AKNA: variants seen among roughly 807,000 people sequenced by gnomAD.
AKNA encodes microtubule organization protein AKNA.
AKNA carries 67 observed loss-of-function variants against 138.8 expected under a neutral mutation model. The ratio of observed to expected loss-of-function variants is 0.48; its 90% CI spans 0.40 to 0.59. The LOEUF (loss-of-function observed/expected upper bound fraction) is 0.59. AKNA is among the 20% of genes least tolerant of loss of function. The pLI, the probability that AKNA is intolerant of heterozygous loss-of-function variation, is 0.00. For synonymous variants in AKNA, 737 were observed against 754.4 expected, an observed-to-expected ratio of 0.98 and a Z score of 0.38; for missense variants, 1,813 against 1,880.4, an observed-to-expected ratio of 0.96 and a Z score of 0.66.
Position 114,346,717 on chromosome 9 carries a change from G to A in AKNA, c.3466C>T (p.Arg1156Ter), listed in dbSNP as rs779115200. Residue 1156 changes from arginine (R) to a stop codon, truncating the protein, a stop_gained, in exon 17 of 22, where the codon CGA becomes TGA. Transcript: ENST00000374088. LOFTEE classifies it high-confidence loss of function. Reference sequence around the variant, plus strand: ...CGAGGCACTGAGGAAGACCTGGCTCGCTGCCTTCCTGGAGGGACAATCTGC... The same window carrying A: ...CGAGGCACTGAGGAAGACCTGGCTCACTGCCTTCCTGGAGGGACAATCTGC... ...EEQIVPPGRQ[R>*]ARSSSVPREV... 7.4e-6 allele frequency: 12 copies of A among 1,612,580 alleles called. No homozygotes were observed. Among genetic ancestry groups the A allele is most frequent in the Admixed American group, 3.3e-5 (2 of 59,810 alleles).
At chr9:114,392,752 G>A (rs998964335), upstream of AKNA, among the ~76,000 whole-genome samples, 1 of 152,164 alleles carries the variant, frequency 6.6e-6, no homozygotes, top group Admixed American at 6.5e-5. Context: ...ACACAAAAAG[G>A]GAGAAGCAGT....
chr9:114,367,817 C>CCGA, intron 5 of AKNA, 120 bp from the exon 6 acceptor site: 1 of 1,132,472 alleles, frequency 8.8e-7, no homozygotes. Flanking sequence ...TCACCATGTG[C>CCGA]GATCTTCACA....
chr9:114,378,491 G>A (rs1209147157), intron 2 of AKNA, among the ~76,000 whole-genome samples: 1 of 152,110 alleles, frequency 6.6e-6, no homozygotes, highest in Non-Finnish European at 1.5e-5. Flanking sequence ...TCTCTGTTTT[G>A]TTCATGATTA....
intron 14 of AKNA, among the ~76,000 whole-genome samples, chr9:114,353,404 T>C (rs532068147): frequency 2.1e-4 from 32 of 152,196 alleles, no homozygotes; most frequent in South Asian, 1.2e-3. Flanking sequence ...GCTGGGATTT[T>C]AGGTGCCAGC....
chr9:114,381,873 A>C (rs952437290), intron 1 of AKNA, among the ~76,000 whole-genome samples: 4 of 151,382 alleles, frequency 2.6e-5, no homozygotes, highest in African/African-American at 9.7e-5. Flanking sequence ...CTGGTCTCGA[A>C]CTCCTGACCT....
chr9:114,382,532 A>G (rs1394129749), intron 1 of AKNA, among the ~76,000 whole-genome samples: 1 of 150,634 alleles, frequency 6.6e-6, no homozygotes, highest in Non-Finnish European at 1.5e-5. Flanking sequence ...GCAGTGAGCC[A>G]TGACAGCGCC....
Position 114,362,452 on chromosome 9 carries a change from G to T in AKNA, c.1870C>A (p.Pro624Thr). 1.9e-6 allele frequency: 3 copies of T among 1,613,084 alleles called. No homozygotes were observed. Among genetic ancestry groups the T allele is most frequent in the Non-Finnish European group, 2.5e-6 (3 of 1,179,632 alleles). The change falls in exon 8 of 22, where the codon CCG becomes ACG. Residue 624 changes from proline to threonine, a missense_variant. By Grantham distance (38) the Pro-to-Thr change is conservative. Transcript: ENST00000374088. Reference protein sequence around the residue: ...KACREQHPAQPLAGSKGTPGR... With the variant: ...KACREQHPAQTLAGSKGTPGR... ...GGCGTCCCCTTGGAGCCGGCAAGCG[G>T]CTGGGCAGGGTGTTGCTCCCGACAA...
At chr9:114,351,793 T>C (rs1321924844) in intron 14 of AKNA, among the ~76,000 whole-genome samples, 1 of 152,072 alleles carries the variant, frequency 6.6e-6, no homozygotes, top group Non-Finnish European at 1.5e-5. Context: ...ATGGCGACAC[T>C]GCACTGCAGC....
chr9:114,359,593 C>T lies in AKNA; in HGVS notation c.2492+1G>A, dbSNP rs1416472340. 2 of 1,614,184 alleles carry T rather than the reference C, an allele frequency of 1.2e-6. No homozygotes were observed. The highest frequency in any genetic ancestry group is 1.7e-6 in the Non-Finnish European group (2 of 1,180,036). ...TCTGCAGGAAAGGCTCAGTGACTTA[C>T]TCCAGGGGAGCCCCATGACTTTTCT... On this transcript the variant is annotated splice_donor_variant, in intron 11 of 21. Coordinates refer to ENST00000374088, the MANE Select transcript of AKNA (RefSeq NM_001317950.2). LOFTEE classifies it high-confidence loss of function.
At chr9:114,332,771 G>C (rs577904165), downstream of AKNA, among the ~76,000 whole-genome samples, 9 of 152,310 alleles carry the variant, frequency 5.9e-5, no homozygotes, top group Admixed American at 2.0e-4. Flanking sequence ...CATAGTAGTG[G>C]TGGTTGTGAG....
intron 6 of AKNA, among the ~76,000 whole-genome samples, chr9:114,366,224 G>A (rs553350933): frequency 2.7e-4 from 40 of 150,378 alleles, no homozygotes; most frequent in Non-Finnish European, 2.8e-4. Context: ...AGGTTGCAGT[G>A]AGCCAAGACT....
intron 7 of AKNA, among the ~76,000 whole-genome samples, chr9:114,363,155 A>G (rs1386855434): frequency 6.6e-6 from 1 of 152,260 alleles, no homozygotes; most frequent in Non-Finnish European, 1.5e-5. Context: ...AGGTCACTTA[A>G]GTTGATGAAG....
intron 16 of AKNA, among the ~76,000 whole-genome samples, chr9:114,347,411 G>T (rs191068703): frequency 9.2e-4 from 140 of 152,188 alleles, no homozygotes; most frequent in African/African-American, 3.1e-3. Context: ...GTAGAGACAG[G>T]GTTTCACCAT....
chr9:114,346,553 T>C, intron 17 of AKNA, 116 bp downstream of exon 17: 1 of 754,352 alleles, frequency 1.3e-6, no homozygotes, highest in Non-Finnish European at 2.1e-6. Flanking sequence ...CTAAAACAGA[T>C]GCACAAAAAC....
chr9:114,372,271 G>C (rs1036021521), intron 4 of AKNA, among the ~76,000 whole-genome samples: 4 of 152,096 alleles, frequency 2.6e-5, no homozygotes, highest in African/African-American at 9.7e-5. Flanking sequence ...GGCCTCTCCT[G>C]TGACACCCTC....
chr9:114,356,184 A>T, intron 13 of AKNA, 48 bp from the exon 14 acceptor site: 1 of 1,555,018 alleles, frequency 6.4e-7, no homozygotes, highest in Non-Finnish European at 8.7e-7. Flanking sequence ...ACAGAGTGAG[A>T]CACTCAGGCG....
At chr9:114,355,389 C>T (rs1342709144) in intron 14 of AKNA, among the ~76,000 whole-genome samples, 2 of 151,830 alleles carry the variant, frequency 1.3e-5, no homozygotes, top group South Asian at 2.1e-4. Flanking sequence ...GTTGGCCAGG[C>T]TCGTCTCGAA....
chr9:114,358,856 G>A (rs1222647647), intron 11 of AKNA, among the ~76,000 whole-genome samples: 1 of 151,742 alleles, frequency 6.6e-6, no homozygotes, highest in Non-Finnish European at 1.5e-5. Context: ...GATAGCATTA[G>A]GAGATATACC....
intron 14 of AKNA, among the ~76,000 whole-genome samples, chr9:114,353,660 T>C (rs1225852519): frequency 3.3e-5 from 5 of 152,208 alleles, no homozygotes; most frequent in Admixed American, 6.5e-5. Flanking sequence ...ACAAACATCA[T>C]AGATTACCCA....
Sources: allele counts gnomAD v4.1 joint callset (sites outside exome capture counted in the v4.1 genomes callset), GRCh38; gene constraint gnomAD v4.1.1; transcripts MANE v1.5; gene names NCBI Gene and HGNC (gene_info 2026-07-23, HGNC 2026-07-21).